THOC5: variants seen among roughly 807,000 people sequenced by gnomAD.
THOC5 encodes Fms-interacting protein.
A neutral mutation model predicts 92.9 loss-of-function variants in THOC5; 43 were observed. The observed-to-expected ratio is 0.46, with a 90% CI of 0.36 to 0.60. The LOEUF (loss-of-function observed/expected upper bound fraction) is 0.60, where lower values mean the gene tolerates loss of function less well. THOC5 is among the 20% of genes least tolerant of loss of function. The probability of loss-of-function intolerance (pLI) is 0.00; values close to 1 mark genes in which losing one functional copy is unlikely to be tolerated. For synonymous variants in THOC5, 296 were observed against 320.1 expected (o/e 0.92, Z 0.80); for missense variants, 659 against 849.4 (o/e 0.78, Z 2.79).
At chr22:29,523,669 G>C (rs1287625410) in intron 12 of THOC5, among the ~76,000 whole-genome samples, 1 of 152,156 alleles carries the variant, frequency 6.6e-6, no homozygotes, top group African/African-American at 2.4e-5. Context: ...AAACAAAAGA[G>C]ATGGCAGGAC....
At chr22:29,545,587 G>A in intron 2 of THOC5, among the ~76,000 whole-genome samples, 1 of 152,194 alleles carries the variant, frequency 6.6e-6, no homozygotes, top group East Asian at 1.9e-4. Context: ...AGGCGTTACA[G>A]GGCCCATGCA....
intron 19 of THOC5, 74 bp downstream of exon 19, chr22:29,511,032 C>T (rs1217798548): frequency 1.5e-5 from 23 of 1,505,622 alleles, no homozygotes; most frequent in Admixed American, 3.8e-5. Context: ...AGCAAGCTCT[C>T]CCCAGAAAAT....
chr22:29,514,804 C>G (rs556931468), intron 17 of THOC5, among the ~76,000 whole-genome samples: 1 of 148,870 alleles, frequency 6.7e-6, no homozygotes, highest in African/African-American at 2.5e-5. Flanking sequence ...CTTCCGGGTT[C>G]GAGCAATTCT....
rs1448694704 is a variant in THOC5, at chr22:29,542,921, G to A, written c.390C>T (p.Leu130=). The A allele has an allele frequency of 6.2e-7, 1 of 1,613,176 alleles. No homozygotes were observed. Among genetic ancestry groups the A allele is most frequent in the African/African-American group, 1.3e-5 (1 of 74,902 alleles). Residue 130 remains leucine (L), a synonymous_variant, in exon 5 of 20, where the codon CTC becomes CTT. Coordinates refer to ENST00000490103, the MANE Select transcript of THOC5 (RefSeq NM_003678.5). Reference sequence around the variant, plus strand: ...GCATCACCTCATACAACAGGTTCTGGAGCTGCAGATGATAGGCATCTACTT... The same window carrying A: ...GCATCACCTCATACAACAGGTTCTGAAGCTGCAGATGATAGGCATCTACTT... The part of the protein sequence containing the change: ...KQKVDAYHLQ[L]QNLLYEVMHL...
chr22:29,537,444 C>T (rs909603080), intron 6 of THOC5, among the ~76,000 whole-genome samples: 29 of 152,192 alleles, frequency 1.9e-4, no homozygotes, highest in Admixed American at 7.2e-4. Context: ...AGTTCGAGAC[C>T]AGCCTGGCCA....
intron 9 of THOC5, 72 bp from the exon 10 acceptor site, chr22:29,528,538 T>C: frequency 6.6e-7 from 1 of 1,521,134 alleles, no homozygotes; most frequent in Non-Finnish European, 9.1e-7. Flanking sequence ...CCAACCCACA[T>C]GGCATAAAGG....
At chr22:29,553,210 C>T (rs997361912) in intron 1 of THOC5, among the ~76,000 whole-genome samples, 1 of 152,138 alleles carries the variant, frequency 6.6e-6, no homozygotes, top group Non-Finnish European at 1.5e-5. Flanking sequence ...ATCCCCTCTG[C>T]GAGAAACACC....
chr22:29,516,453 C>A (rs1471761002), intron 17 of THOC5, among the ~76,000 whole-genome samples: 1 of 152,172 alleles, frequency 6.6e-6, no homozygotes, highest in East Asian at 1.9e-4. Context: ...GGTGTCAGAT[C>A]CCACGGGCAG....
chr22:29,536,593 G>A (rs1183548510), intron 7 of THOC5, 31 bp downstream of exon 7: 37 of 1,356,764 alleles, frequency 2.7e-5, no homozygotes, highest in Non-Finnish European at 3.7e-5. Context: ...GGTCAGTGGT[G>A]AAGGCAAAGC....
At chr22:29,539,626 A>G (rs1233641252) in intron 5 of THOC5, 150 bp from the exon 6 acceptor site, 7 of 822,468 alleles carry the variant, frequency 8.5e-6, no homozygotes, top group Non-Finnish European at 1.3e-5. Flanking sequence ...TCATTAGCAG[A>G]TATTTCAGTG....
At chr22:29,552,567 G>T (rs547259895) in intron 1 of THOC5, among the ~76,000 whole-genome samples, 1 of 150,526 alleles carries the variant, frequency 6.6e-6, no homozygotes, top group Admixed American at 6.6e-5. Context: ...CCCCGTCCGG[G>T]GGGGAGGTGG....
intron 18 of THOC5, 143 bp from the exon 19 acceptor site, chr22:29,511,439 A>C (rs1019155457): frequency 2.4e-6 from 2 of 826,710 alleles, no homozygotes; most frequent in Non-Finnish European, 3.7e-6. Context: ...AGATCAAGCT[A>C]GACTGGCTTG....
intron 5 of THOC5, among the ~76,000 whole-genome samples, chr22:29,541,418 G>A (rs538711743): frequency 6.9e-6 from 1 of 145,196 alleles, no homozygotes; most frequent in South Asian, 2.2e-4. Context: ...GAAATGGGAG[G>A]ATCATCTGAG....
In THOC5 at chr22:29,549,172, A is replaced by G; in HGVS notation, c.-11-14T>C. ...TGGTTGTTCCTCCTGTTAAGAGGAGAAAGTTTTTGAGATTCTTCTGGAGTC... is the reference window on the plus strand; with the variant it reads ...TGGTTGTTCCTCCTGTTAAGAGGAGGAAGTTTTTGAGATTCTTCTGGAGTC... On this transcript the variant is annotated splice_polypyrimidine_tract_variant and intron_variant, in intron 1 of 19. Coordinates refer to ENST00000490103, the MANE Select transcript of THOC5 (RefSeq NM_003678.5). 3 of 1,610,860 alleles carry G rather than the reference A, an allele frequency of 1.9e-6. No individual in the cohort carries two copies. The highest frequency in any genetic ancestry group is 2.5e-6 in the Non-Finnish European group (3 of 1,177,284).
chr22:29,525,844 C>T lies in THOC5; in HGVS notation c.1169G>A (p.Ser390Asn). The T allele has an allele frequency of 2.5e-6, 4 of 1,613,624 alleles. No individual in the cohort carries two copies. The South Asian group carries it at 4.4e-5, about 18-fold the overall frequency. Residue 390 changes from serine to asparagine, a missense_variant, in exon 12 of 20, where the codon AGT (serine) becomes AAT (asparagine). Coordinates refer to ENST00000490103, the MANE Select transcript of THOC5 (RefSeq NM_003678.5). ...TTAMELITPI[S>N]AGDLLSPDSV... ...CAGAGCGCCTGCTCAATACCCTGCA[C>T]TGATGGGGGTGATCAGCTCCATGGC...
rs761673469 is a variant in THOC5 at position 29,512,149 on chromosome 22, G to A, written c.1682-13C>T. On this transcript the variant is annotated splice_polypyrimidine_tract_variant and intron_variant, in intron 17 of 19. Transcript: ENST00000490103. ...GCCTGCAGTTTGGCTGGGAAGAGAG[G>A]AGAGAGGGGAAATGCGCAGTTCTAA... is the stretch of plus-strand genomic sequence containing the variant. The A allele has an allele frequency of 1.2e-6, 2 of 1,610,748 alleles. No individual in the cohort carries two copies. The highest frequency in any genetic ancestry group is 1.1e-5 in the South Asian group (1 of 91,002).
In THOC5 at chr22:29,520,011, G is replaced by C. The variant is rs1023095351; in HGVS notation, c.1371C>G (p.Pro457=). The C allele has an allele frequency of 1.3e-5, 21 of 1,613,176 alleles. No homozygotes were observed. The highest frequency in any genetic ancestry group is 1.6e-5 in the Non-Finnish European group (19 of 1,179,736). The part of the protein sequence containing the change: ...LGGLHFPKEQ[P]QQTVIADHSL... ...TAGATGAGATCAGTGTACAGACCTG[G>C]GGCTGCTCTTTGGGGAAGTGGAGGC... is the stretch of plus-strand genomic sequence containing the variant. The change falls in exon 14 of 20, where the codon CCC becomes CCG. Residue 457 remains proline, a synonymous_variant. Coordinates refer to ENST00000490103, the MANE Select transcript of THOC5 (RefSeq NM_003678.5).
chr22:29,553,542 G>C (rs2064226758), intron 1 of THOC5, 129 bp downstream of exon 1: 1 of 152,554 alleles, frequency 6.6e-6, no homozygotes, highest in Admixed American at 6.5e-5. Context: ...CGGGGACCGC[G>C]GGTAGTGAGG....
intron 8 of THOC5, among the ~76,000 whole-genome samples, chr22:29,529,567 T>C (rs2063612863): frequency 6.6e-6 from 1 of 152,250 alleles, no homozygotes; most frequent in Admixed American, 6.5e-5. Context: ...GGAACTCCTC[T>C]GCCAGTTGTC....
Sources: gnomAD v4.1 joint callset for allele counts (sites outside exome capture counted in the v4.1 genomes callset) on GRCh38, gnomAD v4.1.1 for gene constraint, MANE v1.5 for transcripts, NCBI Gene and HGNC (gene_info 2026-07-23, HGNC 2026-07-21) for gene names.